The following INPP5A variants were observed in gnomAD, a reference collection of about 807,000 sequenced individuals.
INPP5A encodes the protein inositol polyphosphate-5-phosphatase A.
INPP5A carries 14 observed loss-of-function variants against 65.2 expected under a neutral mutation model. The observed-to-expected ratio is 0.21, with a 90% CI of 0.14 to 0.34. INPP5A has a LOEUF of 0.34. Ranked by LOEUF, INPP5A falls within the 10% of genes least tolerant of loss-of-function variation. The pLI, the probability that INPP5A is intolerant of heterozygous loss-of-function variation, is 1.00. For synonymous variants in INPP5A, 207 were observed against 208.3 expected (o/e 0.99, Z 0.05); for missense variants, 431 against 545.6 (o/e 0.79, Z 2.09).
At chr10:132,745,220 C>T (rs140927241) in intron 9 of INPP5A, among the ~76,000 whole-genome samples, 58 of 152,264 alleles carry the variant, frequency 3.8e-4, no homozygotes, top group African/African-American at 1.3e-3. Context: ...TCCATCCCCT[C>T]GCGAGCTCCT....
chr10:132,740,142 C>T (rs999394615), intron 9 of INPP5A, among the ~76,000 whole-genome samples: 1 of 152,218 alleles, frequency 6.6e-6, no homozygotes, highest in Non-Finnish European at 1.5e-5. Flanking sequence ...GCTAACCCCA[C>T]GGGACCAGTA....
rs113954138 is a variant in INPP5A, at chr10:132,657,845, A to C, written c.306+7340A>C. 2.8e-3 allele frequency among the ~76,000 whole-genome samples: 433 copies of C among 152,352 alleles called. 2 individuals are homozygous for C. Among genetic ancestry groups the C allele is most frequent in the African/African-American group, 1.0e-2 (414 of 41,596 alleles). On this transcript the variant is annotated intron_variant, in intron 4 of 15. Transcript: ENST00000368594. ...GCTGCCTCCTCACCTGCCTGGGGGCAAGACAGTCCTGATGAAGTGAGAGGG... is the reference window on the plus strand; with the variant it reads ...GCTGCCTCCTCACCTGCCTGGGGGCCAGACAGTCCTGATGAAGTGAGAGGG...
At chr10:132,657,279 C>T (rs1590901054) in intron 4 of INPP5A, among the ~76,000 whole-genome samples, 2 of 152,254 alleles carry the variant, frequency 1.3e-5, no homozygotes. Context: ...CTTTGCACCT[C>T]GGAGGGCAGG....
intron 12 of INPP5A, among the ~76,000 whole-genome samples, chr10:132,769,489 C>T (rs550181196): frequency 2.0e-5 from 3 of 152,292 alleles, no homozygotes; most frequent in African/African-American, 7.2e-5. Flanking sequence ...TACAGCCTCC[C>T]GAAGGCCTTT....
rs1427674678 is a variant in INPP5A, at chr10:132,753,085, T to C, written c.903+3240T>C. ...CGATGCCTCGGCGTTCCTGTCCTGC[T>C]ACTCAGATCCTCTCTGTTTGGGGCC... On this transcript the variant is annotated intron_variant, in intron 11 of 15. Transcript: ENST00000368594. This position sits in a 1 kb window ranked among gnomAD's most constrained non-coding sequence, Gnocchi z 5.3. Among the ~76,000 whole-genome samples, 1 of 152,180 alleles carries C rather than the reference T, an allele frequency of 6.6e-6. No individual in the cohort carries two copies. The highest frequency in any genetic ancestry group is 1.5e-5 in the Non-Finnish European group (1 of 68,020).
intron 2 of INPP5A, among the ~76,000 whole-genome samples, chr10:132,633,422 A>C (rs188833571): frequency 8.3e-4 from 126 of 152,254 alleles, no homozygotes; most frequent in Non-Finnish European, 4.1e-4. Flanking sequence ...TTGTGCAGTG[A>C]CTAAATCTGT....
At chr10:132,648,861 T>C (rs1395439788) in intron 3 of INPP5A, among the ~76,000 whole-genome samples, 1 of 152,252 alleles carries the variant, frequency 6.6e-6, no homozygotes, top group Non-Finnish European at 1.5e-5. Flanking sequence ...GTTCTTTATG[T>C]TTATCTTGCT....
chr10:132,597,156 AGTGT>A (rs1181908878), intron 1 of INPP5A, among the ~76,000 whole-genome samples: 2 of 150,452 alleles, frequency 1.3e-5, no homozygotes, highest in East Asian at 2.0e-4. Context: ...CATGTGTGTG[AGTGT>A]GTGTGCGCAT....
chr10:132,701,808 G>A (rs1020766367), intron 6 of INPP5A, among the ~76,000 whole-genome samples: 2 of 152,248 alleles, frequency 1.3e-5, no homozygotes, highest in Non-Finnish European at 2.9e-5. Context: ...AGGGGAGTGG[G>A]GCGTCGGGAG....
At chr10:132,585,358 G>A (rs775163507) in intron 1 of INPP5A, among the ~76,000 whole-genome samples, 7 of 152,226 alleles carry the variant, frequency 4.6e-5, no homozygotes, top group Non-Finnish European at 1.0e-4. Context: ...TTGAGAGAGC[G>A]AGAGAAAGCG....
chr10:132,545,337 C>T lies in INPP5A; in HGVS notation c.75+7166C>T, dbSNP rs1005246864. On this transcript the variant is annotated intron_variant, in intron 1 of 15. Transcript: ENST00000368594. The surrounding 1 kb of genome is among the most constrained non-coding windows in gnomAD (Gnocchi z 4.6). ...TCTGTCCAGGGGCTAGAGGGGCATT[C>T]GGAAGACTTTGACCAGATCGGGGCG... is the stretch of plus-strand genomic sequence containing the variant. Among the ~76,000 whole-genome samples the T allele has an allele frequency of 3.9e-5, 6 of 152,112 alleles. No homozygotes were observed. The highest frequency in any genetic ancestry group is 1.9e-4 in the East Asian group (1 of 5,186).
rs114820697 is a variant in INPP5A at position 132,733,859 on chromosome 10, T to C, written c.732+6954T>C. Among the ~76,000 whole-genome samples the C allele has an allele frequency of 6.8e-3, 1,040 of 152,352 alleles. 12 individuals carry two copies. Among genetic ancestry groups the C allele is most frequent in the African/African-American group, 0.023 (975 of 41,576 alleles). On this transcript the variant is annotated intron_variant, in intron 9 of 15. Transcript: ENST00000368594. ...GATCTCCACTTGGCCCTGTGGCACG[T>C]CCCTGTTGCAGTTTCCTTCCACATG... is the stretch of plus-strand genomic sequence containing the variant.
chr10:132,733,732 G>C (rs930600186), intron 9 of INPP5A, among the ~76,000 whole-genome samples: 2 of 152,186 alleles, frequency 1.3e-5, no homozygotes, highest in East Asian at 1.9e-4. Context: ...CTCCCTCTGC[G>C]TGTGAACGGG....
chr10:132,629,935 C>T (rs2072242309), intron 2 of INPP5A, among the ~76,000 whole-genome samples: 1 of 152,008 alleles, frequency 6.6e-6, no homozygotes, highest in African/African-American at 2.4e-5. Context: ...GAAGGGTGGG[C>T]GTCCTTGAGG....
chr10:132,612,988 G>C (rs1426170425), intron 2 of INPP5A, among the ~76,000 whole-genome samples: 2 of 152,164 alleles, frequency 1.3e-5, no homozygotes, highest in Non-Finnish European at 2.9e-5. Flanking sequence ...GTCTGCACCA[G>C]AGGCCATGGG....
chr10:132,606,018 A>T (rs531856678), intron 1 of INPP5A, among the ~76,000 whole-genome samples: 32 of 152,144 alleles, frequency 2.1e-4, no homozygotes, highest in Non-Finnish European at 3.2e-4. Flanking sequence ...TGACCCATGA[A>T]TTGGGCTGGA....
At chr10:132,768,395 C>T (rs1342542133) in intron 12 of INPP5A, among the ~76,000 whole-genome samples, 3 of 152,168 alleles carry the variant, frequency 2.0e-5, no homozygotes, top group Non-Finnish European at 4.4e-5. Context: ...AGTGGCATTC[C>T]AGAAAGATCC....
intron 1 of INPP5A, among the ~76,000 whole-genome samples, chr10:132,548,989 C>T (rs755833133): frequency 5.3e-5 from 8 of 151,916 alleles, no homozygotes; most frequent in African/African-American, 1.2e-4. Flanking sequence ...TATGGGGTCT[C>T]GCTATGTTGC....
intron 4 of INPP5A, among the ~76,000 whole-genome samples, chr10:132,652,885 G>A (rs766772553): frequency 6.6e-6 from 1 of 152,186 alleles, no homozygotes; most frequent in African/African-American, 2.4e-5. Context: ...GTGAACGTGC[G>A]CCCCTAATAT....
Sources: gnomAD v4.1 joint callset for allele counts (sites outside exome capture counted in the v4.1 genomes callset) on GRCh38, gnomAD v4.1.1 for gene constraint, Gnocchi (gnomAD v3.1) non-coding constraint, MANE v1.5 for transcripts, NCBI Gene and HGNC (gene_info 2026-07-23, HGNC 2026-07-21) for gene names.